SPOCK1: variants seen among roughly 807,000 people sequenced by gnomAD.
SPOCK1 encodes SPARC (osteonectin), cwcv and kazal like domains proteoglycan 1.
SPOCK1 carries 23 observed loss-of-function variants against 55.3 expected under a neutral mutation model. That is an observed-to-expected ratio of 0.42 (90% CI 0.30 to 0.59). The LOEUF (loss-of-function observed/expected upper bound fraction) is 0.59, where lower values mean the gene tolerates loss of function less well. Among genes scored for constraint, SPOCK1 ranks in the 20% least tolerant of loss-of-function variants. The pLI is 0.22. For synonymous variants in SPOCK1, 226 were observed against 221.0 expected, an observed-to-expected ratio of 1.02 and a Z score of -0.20; for missense variants, 499 against 552.5, an observed-to-expected ratio of 0.90 and a Z score of 0.97.
chr5:137,054,095 AG>A (rs1430339888), intron 6 of SPOCK1, among the ~76,000 whole-genome samples: 1 of 152,196 alleles, frequency 6.6e-6, no homozygotes, highest in Non-Finnish European at 1.5e-5. Context: ...ACATTAAAAA[AG>A]GAAGGAAAAT....
At chr5:136,995,765 C>A (rs1751028614) in intron 6 of SPOCK1, among the ~76,000 whole-genome samples, 1 of 152,242 alleles carries the variant, frequency 6.6e-6, no homozygotes, top group African/African-American at 2.4e-5. Flanking sequence ...CCACAGGCTC[C>A]CCAAAGTACA....
chr5:137,356,830 TATATATATAGAGAG>T (rs1378019771), intron 2 of SPOCK1, among the ~76,000 whole-genome samples: 7 of 11,990 alleles, frequency 5.8e-4, no homozygotes, highest in Non-Finnish European at 9.9e-4. Context: ...TATATATATA[TATATATATAGAGAG>T]AGAGAGAGAG....
At chr5:137,411,520 T>C (rs1271084422) in intron 2 of SPOCK1, among the ~76,000 whole-genome samples, 1 of 152,148 alleles carries the variant, frequency 6.6e-6, no homozygotes, top group African/African-American at 2.4e-5. Context: ...AAAGACATAA[T>C]ACTATTGGCA....
chr5:137,266,910 C>T, intron 3 of SPOCK1, 100 bp downstream of exon 3: 6 of 1,004,946 alleles, frequency 6.0e-6, no homozygotes, highest in South Asian at 1.5e-5. Context: ...AATAACACCG[C>T]TAGCTGGCCC....
chr5:137,196,583 T>C (rs1755302508), intron 3 of SPOCK1, among the ~76,000 whole-genome samples: 1 of 152,228 alleles, frequency 6.6e-6, no homozygotes, highest in Admixed American at 6.5e-5. Context: ...TTTAACCTAT[T>C]TAGCTCCTTC....
chr5:137,046,467 G>A (rs1297645521), intron 6 of SPOCK1, among the ~76,000 whole-genome samples: 2 of 152,036 alleles, frequency 1.3e-5, no homozygotes, highest in Admixed American at 1.3e-4. Context: ...AAGAATGCTT[G>A]TGATTTTTGT....
intron 2 of SPOCK1, among the ~76,000 whole-genome samples, chr5:137,294,903 C>T (rs1186831879): frequency 2.0e-5 from 3 of 152,234 alleles, no homozygotes; most frequent in Non-Finnish European, 4.4e-5. Flanking sequence ...CTGCCCTTTA[C>T]AAATGAATCC....
At chr5:137,295,384 C>T (rs932140585) in intron 2 of SPOCK1, among the ~76,000 whole-genome samples, 1 of 152,216 alleles carries the variant, frequency 6.6e-6, no homozygotes, top group African/African-American at 2.4e-5. Flanking sequence ...CTCCTTAGAG[C>T]TCTACCACCA....
intron 3 of SPOCK1, among the ~76,000 whole-genome samples, chr5:137,232,168 T>C (rs1580819629): frequency 6.6e-6 from 1 of 152,148 alleles, no homozygotes; most frequent in South Asian, 2.1e-4. Flanking sequence ...CTTAACAGAG[T>C]TTTTCACCCT....
Position 137,089,087 on chromosome 5 carries a change from G to A in SPOCK1, c.475-21258C>T, listed in dbSNP as rs142980545. 1.7e-3 allele frequency among the ~76,000 whole-genome samples: 256 copies of A among 152,242 alleles called. 1 individual carries two copies. The South Asian group carries it at 0.017, about 10-fold the overall frequency. ...GGAGAATGGAGGAGGGACTAGAACGGGGAGCTAGCACAGACATGCAGGTGC... is the reference window on the plus strand; with the variant it reads ...GGAGAATGGAGGAGGGACTAGAACGAGGAGCTAGCACAGACATGCAGGTGC... On this transcript the variant is annotated intron_variant, in intron 5 of 10. Transcript: ENST00000394945.
intron 3 of SPOCK1, among the ~76,000 whole-genome samples, chr5:137,169,065 C>T (rs1051248204): frequency 2.0e-5 from 3 of 151,984 alleles, no homozygotes; most frequent in Admixed American, 6.6e-5. Flanking sequence ...ATGGTCATTA[C>T]GTTAAGGGAA....
chr5:137,407,725 A>G (rs1194248990), intron 2 of SPOCK1, among the ~76,000 whole-genome samples: 1 of 152,130 alleles, frequency 6.6e-6, no homozygotes, highest in Non-Finnish European at 1.5e-5. Flanking sequence ...CCCCAACACA[A>G]AACAGAACCT....
At chr5:137,381,786 A>T (rs1751475982) in intron 2 of SPOCK1, among the ~76,000 whole-genome samples, 1 of 152,220 alleles carries the variant, frequency 6.6e-6, no homozygotes, top group Non-Finnish European at 1.5e-5. Flanking sequence ...AGAGGCTGCC[A>T]CAAAGGTATC....
chr5:137,275,671 G>A (rs1031438164), intron 2 of SPOCK1, among the ~76,000 whole-genome samples: 1 of 152,124 alleles, frequency 6.6e-6, no homozygotes, highest in Non-Finnish European at 1.5e-5. Flanking sequence ...AGAACATCAG[G>A]GGCCTTCTCC....
chr5:137,161,729 T>C (rs1282964165), intron 3 of SPOCK1, among the ~76,000 whole-genome samples: 1 of 152,158 alleles, frequency 6.6e-6, no homozygotes, highest in Non-Finnish European at 1.5e-5. Context: ...ACTGAAAATG[T>C]TGTCCTCTCC....
At chr5:137,338,569 T>C (rs964691984) in intron 2 of SPOCK1, among the ~76,000 whole-genome samples, 13 of 151,898 alleles carry the variant, frequency 8.6e-5, no homozygotes, top group African/African-American at 2.4e-4. Context: ...GTATTTCTAG[T>C]TCTAGATCCC....
intron 3 of SPOCK1, among the ~76,000 whole-genome samples, chr5:137,155,097 AC>A (rs1263886146): frequency 6.6e-6 from 1 of 152,216 alleles, no homozygotes; most frequent in African/African-American, 2.4e-5. Context: ...CAAATGCTTA[AC>A]ATTGATCTTT....
intron 5 of SPOCK1, among the ~76,000 whole-genome samples, chr5:137,098,065 G>C (rs981953681): frequency 6.6e-5 from 10 of 152,336 alleles, no homozygotes; most frequent in Admixed American, 6.5e-4. Flanking sequence ...GGGGTAATTA[G>C]TAATAAATGA....
chr5:137,413,674 C>A (rs935735686), intron 2 of SPOCK1, among the ~76,000 whole-genome samples: 29 of 152,152 alleles, frequency 1.9e-4, no homozygotes, highest in Admixed American at 1.8e-3. Context: ...TTGGAGGGAG[C>A]AGTACCATGC....
Sources: gnomAD v4.1 joint callset for allele counts (sites outside exome capture counted in the v4.1 genomes callset) on GRCh38, gnomAD v4.1.1 for gene constraint, MANE v1.5 for transcripts, NCBI Gene and HGNC (gene_info 2026-07-23, HGNC 2026-07-21) for gene names.